The following CLEC16A variants were observed in gnomAD, a reference collection of about 807,000 sequenced individuals.
CLEC16A encodes protein CLEC16A.
CLEC16A carries 51 observed loss-of-function variants against 109.5 expected under a neutral mutation model. The ratio of observed to expected loss-of-function variants is 0.47; its 90% CI spans 0.37 to 0.59. CLEC16A has a LOEUF of 0.59. Among genes scored for constraint, CLEC16A ranks in the 20% least tolerant of loss-of-function variants. CLEC16A has a pLI of 0.00. For synonymous variants in CLEC16A, 673 were observed against 564.2 expected (o/e 1.19, Z -2.73); for missense variants, 1,339 against 1,394.0 (o/e 0.96, Z 0.63).
intron 8 of CLEC16A, among the ~76,000 whole-genome samples, chr16:10,978,193 ATGCAGGGCCTCAGGACCAGGAATC>A (rs1174106780): frequency 6.6e-6 from 1 of 152,174 alleles, no homozygotes; most frequent in Non-Finnish European, 1.5e-5. Flanking sequence ...GGCTGGTAAC[ATGCAGGGCCTCAGGACCAGGAATC>A]TGCATGTCTC....
intron 19 of CLEC16A, among the ~76,000 whole-genome samples, chr16:11,086,622 A>G (rs2050024173): frequency 6.6e-6 from 1 of 152,106 alleles, no homozygotes; most frequent in Admixed American, 6.5e-5. Context: ...TGCTCACTGC[A>G]ACCTCCGCCT....
At chr16:10,952,753 C>T (rs1350360020) in intron 1 of CLEC16A, among the ~76,000 whole-genome samples, 1 of 152,126 alleles carries the variant, frequency 6.6e-6, no homozygotes, top group Admixed American at 6.5e-5. Flanking sequence ...AGCTTTGGAG[C>T]TTGCAGTCTA....
At chr16:10,986,727 CTCAATGTG>C (rs1467308160) in intron 10 of CLEC16A, among the ~76,000 whole-genome samples, 1 of 50,544 alleles carries the variant, frequency 2.0e-5, no homozygotes, top group Admixed American at 2.4e-4. Flanking sequence ...TTCTTTAAGG[CTCAATGTG>C]TGTGTGTGTG....
At chr16:11,160,175 A>C (rs1179275028) in intron 22 of CLEC16A, among the ~76,000 whole-genome samples, 1 of 152,114 alleles carries the variant, frequency 6.6e-6, no homozygotes, top group Non-Finnish European at 1.5e-5. Context: ...TCCTCAGAGT[A>C]ATTACCAAGT....
intron 2 of CLEC16A, among the ~76,000 whole-genome samples, chr16:10,959,193 T>C (rs2042136690): frequency 6.6e-6 from 1 of 152,202 alleles, no homozygotes; most frequent in Non-Finnish European, 1.5e-5. Flanking sequence ...TAGGCAGCAC[T>C]GAGCAAGTTC....
intron 23 of CLEC16A, among the ~76,000 whole-genome samples, chr16:11,177,967 C>G (rs2068824606): frequency 6.6e-6 from 1 of 151,732 alleles, no homozygotes; most frequent in South Asian, 2.1e-4. Context: ...ACTTCCCAAA[C>G]AAGTATTTAT....
rs200576091 is a variant in CLEC16A, at chr16:11,179,880, T to G, written c.*1190T>G. On this transcript the variant is annotated 3_prime_UTR_variant, in exon 24 of 24. Transcript: ENST00000409790. The stretch of plus-strand genomic sequence containing the variant: ...TTCCCTTCCCCATTCGGACTGGGTG[T>G]GTACAAGCAAGGACCCAGATGCATC... 1.3e-5 allele frequency: 2 copies of G among 152,360 alleles called. No individual in the cohort carries two copies. The highest frequency in any genetic ancestry group is 4.8e-5 in the African/African-American group (2 of 41,446). 9.4% of individuals were successfully genotyped at this position (152,360 alleles called of 1,614,324 possible). A position where few individuals can be genotyped will look rare whatever the true frequency, so the allele number is the denominator to read the frequency against.
chr16:10,992,387 G>A (rs1366087001), intron 10 of CLEC16A, among the ~76,000 whole-genome samples: 4 of 151,910 alleles, frequency 2.6e-5, no homozygotes, highest in African/African-American at 9.7e-5. Flanking sequence ...CTGGAAGACA[G>A]AGTTTTGAAT....
intron 8 of CLEC16A, among the ~76,000 whole-genome samples, 178 bp downstream of exon 8, chr16:10,977,577 G>C (rs539760986): frequency 6.6e-6 from 1 of 152,056 alleles, no homozygotes; most frequent in Non-Finnish European, 1.5e-5. Flanking sequence ...GCAGTGGTGC[G>C]ATCTTGGCTC....
At chr16:11,110,471 C>G (rs762999201) in intron 19 of CLEC16A, among the ~76,000 whole-genome samples, 1 of 152,140 alleles carries the variant, frequency 6.6e-6, no homozygotes, top group Non-Finnish European at 1.5e-5. Context: ...CATGACCTTA[C>G]GGGAATTCTG....
chr16:10,947,758 A>G lies in CLEC16A; in HGVS notation c.80+2961A>G, dbSNP rs557110338. 2.6e-5 allele frequency among the ~76,000 whole-genome samples: 4 copies of G among 152,350 alleles called. No individual in the cohort carries two copies. The East Asian group carries it at 5.8e-4, about 22-fold the overall frequency. On this transcript the variant is annotated intron_variant, in intron 1 of 23. Transcript: ENST00000409790. ...ACTAGTATAAACTGGTCACCCTACC[A>G]GTGACAAGTGACAGTTCTTAATACA...
chr16:11,170,848 C>T (rs1399421870), intron 23 of CLEC16A, among the ~76,000 whole-genome samples: 4 of 152,172 alleles, frequency 2.6e-5, no homozygotes, highest in East Asian at 1.9e-4. Context: ...AGTTACAAAC[C>T]GTGACAAAGG....
At position 11,126,155 on chromosome 16, in the gene CLEC16A, G is replaced by A. The variant is rs755388547; in HGVS notation, c.2641+9G>A. 6.2e-7 allele frequency: 1 copy of A among 1,613,632 alleles called. No homozygotes were observed. Among genetic ancestry groups the A allele is most frequent in the South Asian group, 1.1e-5 (1 of 91,064 alleles). On this transcript the variant is annotated intron_variant, in intron 22 of 23. Transcript: ENST00000409790. ...GGTGGACAAGGTGCCAGGTGAGCCA[G>A]CCCCCCGCCCTGCGCCACAGCTCGT...
chr16:11,112,060 G>C (rs761379550), intron 19 of CLEC16A, among the ~76,000 whole-genome samples: 4 of 152,186 alleles, frequency 2.6e-5, no homozygotes, highest in Non-Finnish European at 5.9e-5. Flanking sequence ...GGGAGAGAAC[G>C]CAGCTATGAA....
At chr16:10,946,673 C>T (rs2041393825) in intron 1 of CLEC16A, among the ~76,000 whole-genome samples, 1 of 152,192 alleles carries the variant, frequency 6.6e-6, no homozygotes, top group African/African-American at 2.4e-5. Flanking sequence ...TCACCTAACT[C>T]TGCTTAACTC....
chr16:11,125,334 C>T (rs1416215138), intron 21 of CLEC16A, among the ~76,000 whole-genome samples: 3 of 151,762 alleles, frequency 2.0e-5, no homozygotes, highest in Non-Finnish European at 4.4e-5. Flanking sequence ...CAATTTCTCA[C>T]AGCTGGCATG....
chr16:11,047,512 A>C (rs2047697745), intron 17 of CLEC16A, 170 bp downstream of exon 17: 1 of 451,666 alleles, frequency 2.2e-6, no homozygotes, highest in Non-Finnish European at 3.9e-6. Context: ...CCACTGTTAA[A>C]ATTTCAGACT....
At chr16:10,983,076 A>G (rs761873642) in intron 10 of CLEC16A, 85 bp downstream of exon 10, 4 of 771,708 alleles carry the variant, frequency 5.2e-6, no homozygotes, top group Non-Finnish European at 2.2e-6. Context: ...ATCAGAAACT[A>G]ACATTCTGAA....
At chr16:10,989,066 A>G (rs2043839052) in intron 10 of CLEC16A, among the ~76,000 whole-genome samples, 1 of 152,182 alleles carries the variant, frequency 6.6e-6, no homozygotes. Context: ...AAGTGTTAGT[A>G]ATAACAGTGA....
Sources: allele counts gnomAD v4.1 joint callset (sites outside exome capture counted in the v4.1 genomes callset), GRCh38; gene constraint gnomAD v4.1.1; transcripts MANE v1.5; gene names NCBI Gene and HGNC (gene_info 2026-07-23, HGNC 2026-07-21).